Variants in RGS6 observed in about 807,000 individuals in gnomAD.
RGS6 encodes the protein regulator of G-protein signaling 6.
RGS6 carries 30 observed loss-of-function variants against 78.5 expected under a neutral mutation model. The ratio of observed to expected loss-of-function variants is 0.38; its 90% CI spans 0.29 to 0.52. The LOEUF is 0.52. Ranked by LOEUF, RGS6 falls within the 20% of genes least tolerant of loss-of-function variation. RGS6 has a pLI of 0.85. For synonymous variants in RGS6, 206 were observed against 206.0 expected, an observed-to-expected ratio of 1.00 and a Z score of 0.00; for missense variants, 495 against 609.7, an observed-to-expected ratio of 0.81 and a Z score of 1.98.
rs2046860795 is a variant in RGS6, at chr14:72,221,509, G to A, written c.85-130586G>A. Among the ~76,000 whole-genome samples the A allele has an allele frequency of 2.0e-5, 3 of 152,124 alleles. No individual in the cohort carries two copies. In the South Asian group the frequency reaches 6.2e-4, roughly 32 times the overall value. On this transcript the variant is annotated intron_variant, in intron 2 of 17. Coordinates refer to ENST00000553525, the MANE Select transcript of RGS6 (RefSeq NM_001204424.2). ...TGGTCACAATTTCTGGAACTATAGAGGTCATCTTGCACTCATCAGGGAAAG... is the reference window on the plus strand; with the variant it reads ...TGGTCACAATTTCTGGAACTATAGAAGTCATCTTGCACTCATCAGGGAAAG...
chr14:72,252,628 T>C (rs2056087559), intron 2 of RGS6, among the ~76,000 whole-genome samples: 1 of 152,136 alleles, frequency 6.6e-6, no homozygotes, highest in Non-Finnish European at 1.5e-5. Flanking sequence ...CCTCTAGAAA[T>C]AGTAAACAGT....
intron 2 of RGS6, among the ~76,000 whole-genome samples, chr14:71,981,201 G>A (rs548602428): frequency 6.6e-6 from 1 of 150,634 alleles, no homozygotes; most frequent in African/African-American, 2.4e-5. Flanking sequence ...TTTGCCTTTG[G>A]TTTGAATGTC....
At chr14:72,290,017 CTA>C (rs766806830) in intron 2 of RGS6, among the ~76,000 whole-genome samples, 54 of 152,234 alleles carry the variant, frequency 3.5e-4, no homozygotes, top group Non-Finnish European at 7.6e-4. Flanking sequence ...TTATTCTTCA[CTA>C]TCAAGACAGA....
intron 3 of RGS6, among the ~76,000 whole-genome samples, chr14:72,397,169 T>C (rs545338718): frequency 2.0e-5 from 3 of 152,386 alleles, no homozygotes; most frequent in Non-Finnish European, 2.9e-5. Flanking sequence ...ACGATATCGA[T>C]TCTTCCTAGC....
chr14:72,052,348 A>G (rs996249767), intron 2 of RGS6, among the ~76,000 whole-genome samples: 3 of 152,230 alleles, frequency 2.0e-5, no homozygotes, highest in African/African-American at 4.8e-5. Flanking sequence ...ACTAGAATGA[A>G]CATAAGTGGT....
At chr14:72,232,993 T>C (rs1283681472) in intron 2 of RGS6, among the ~76,000 whole-genome samples, 1 of 152,136 alleles carries the variant, frequency 6.6e-6, no homozygotes, top group East Asian at 1.9e-4. Flanking sequence ...ATGTGAGGAA[T>C]GACCAGGTGC....
At chr14:72,256,202 G>C (rs941123044) in intron 2 of RGS6, among the ~76,000 whole-genome samples, 3 of 152,100 alleles carry the variant, frequency 2.0e-5, no homozygotes, top group Non-Finnish European at 2.9e-5. Flanking sequence ...GGCATGCAGG[G>C]GGCTAGGGAA....
chr14:72,421,487 G>A (rs187255320), intron 3 of RGS6: 4 of 152,222 alleles, frequency 2.6e-5, no homozygotes, highest in Non-Finnish European at 5.9e-5. Context: ...TGCCTTTGGG[G>A]ACTGCCTCCC....
At chr14:72,191,579 G>T (rs1475427602) in intron 2 of RGS6, among the ~76,000 whole-genome samples, 4 of 152,194 alleles carry the variant, frequency 2.6e-5, no homozygotes, top group African/African-American at 9.7e-5. Flanking sequence ...CAGGGGAACT[G>T]CTCTTTATAA....
the RGS6 span, among the ~76,000 whole-genome samples, chr14:71,897,131 T>C: frequency 6.6e-6 from 1 of 152,280 alleles, no homozygotes; most frequent in African/African-American, 2.4e-5. Context: ...GATATGTCTC[T>C]ACACTGCCTA....
intron 1 of RGS6, among the ~76,000 whole-genome samples, chr14:71,961,894 AAAG>A (rs1174207878): frequency 6.6e-6 from 1 of 152,180 alleles, no homozygotes; most frequent in Non-Finnish European, 1.5e-5. Flanking sequence ...ACTCCATTTA[AAAG>A]AAGTATTTTA....
intron 1 of RGS6, chr14:71,933,170 G>C (rs2088130902): frequency 6.6e-6 from 1 of 152,394 alleles, no homozygotes; most frequent in South Asian, 2.1e-4. Context: ...GTGTGGACTT[G>C]TGTGGGATGG....
At chr14:72,472,182 A>AAG (rs1555421888) in intron 8 of RGS6, among the ~76,000 whole-genome samples, 6 of 150,052 alleles carry the variant, frequency 4.0e-5, no homozygotes, top group African/African-American at 1.5e-4. Flanking sequence ...GAAAAAAAAA[A>AAG]AAAGAAAGAA....
intron 2 of RGS6, among the ~76,000 whole-genome samples, chr14:72,018,579 C>T (rs570766222): frequency 3.1e-4 from 47 of 152,298 alleles, no homozygotes; most frequent in African/African-American, 1.1e-3. Context: ...TTAAACTTTG[C>T]AAGGGAAGGC....
chr14:72,266,811 C>A (rs749597619), intron 2 of RGS6, among the ~76,000 whole-genome samples: 39 of 152,162 alleles, frequency 2.6e-4, no homozygotes, highest in Non-Finnish European at 4.6e-4. Context: ...TCAGCTGTGT[C>A]AAGGCTAAGA....
intron 3 of RGS6, among the ~76,000 whole-genome samples, chr14:72,409,946 C>T (rs954150969): frequency 6.6e-6 from 1 of 152,302 alleles, no homozygotes; most frequent in African/African-American, 2.4e-5. Flanking sequence ...GCCACATTTT[C>T]TTAATCCAGT....
chr14:72,138,449 GTTTTTTTTT>G (rs71448384), intron 2 of RGS6, among the ~76,000 whole-genome samples: 1 of 86,648 alleles, frequency 1.2e-5, no homozygotes, highest in Non-Finnish European at 2.2e-5. Flanking sequence ...ACCTGTACCT[GTTTTTTTTT>G]TTTTTTTTTT....
rs2095891425 is a variant in RGS6 at position 72,465,687 on chromosome 14, T to C, written c.395-71T>C. 6 of 1,089,918 alleles carry C rather than the reference T, an allele frequency of 5.5e-6. No individual in the cohort carries two copies. The South Asian group carries it at 7.7e-5, about 14-fold the overall frequency. The allele number at this position is 1,089,918 out of a possible 1,614,324, so 67.5% of individuals were successfully genotyped here. Reference sequence around the variant, plus strand: ...GTGAATGGGTGAATGGATGGACAGATGGATGGATGGGCTTATAATTCCATT... The same window carrying C: ...GTGAATGGGTGAATGGATGGACAGACGGATGGATGGGCTTATAATTCCATT... On this transcript the variant is annotated intron_variant, in intron 6 of 17. Coordinates refer to ENST00000553525, the MANE Select transcript of RGS6 (RefSeq NM_001204424.2).
intron 3 of RGS6, among the ~76,000 whole-genome samples, chr14:72,397,186 C>A (rs975208962): frequency 6.6e-6 from 1 of 152,224 alleles, no homozygotes; most frequent in African/African-American, 2.4e-5. Flanking sequence ...TAGCCTTGAG[C>A]ATGGAATGTT....
Sources: allele counts gnomAD v4.1 joint callset (sites outside exome capture counted in the v4.1 genomes callset), GRCh38; gene constraint gnomAD v4.1.1; transcripts MANE v1.5; gene names NCBI Gene and HGNC (gene_info 2026-07-23, HGNC 2026-07-21).